SLCO5A1: variants seen among roughly 807,000 people sequenced by gnomAD.
The protein encoded by SLCO5A1 is organic anion transporter polypeptide-related protein 4.
In SLCO5A1, 39 loss-of-function variants were observed where a neutral mutation model predicts 65.1. That is an observed-to-expected ratio of 0.60 (90% CI 0.46 to 0.78). The LOEUF (loss-of-function observed/expected upper bound fraction) is 0.78, where lower values mean the gene tolerates loss of function less well. SLCO5A1 is among the 30% of genes least tolerant of loss of function. The probability of loss-of-function intolerance (pLI) is 0.00; values close to 1 mark genes in which losing one functional copy is unlikely to be tolerated. For synonymous variants in SLCO5A1, 438 were observed against 415.7 expected, an observed-to-expected ratio of 1.05 and a Z score of -0.65; for missense variants, 1,029 against 1,069.4, an observed-to-expected ratio of 0.96 and a Z score of 0.53.
intron 4 of SLCO5A1, among the ~76,000 whole-genome samples, chr8:69,747,987 A>G (rs1586753579): frequency 6.6e-6 from 1 of 152,304 alleles, no homozygotes; most frequent in East Asian, 1.9e-4. Flanking sequence ...CACAGGACCT[A>G]TGTGCCCTCA....
intron 2 of SLCO5A1, among the ~76,000 whole-genome samples, chr8:69,777,228 G>T (rs151091359): frequency 4.6e-5 from 7 of 152,254 alleles, no homozygotes; most frequent in East Asian, 1.9e-4. Flanking sequence ...ATAAAGAAAT[G>T]AACTATTGAT....
In SLCO5A1 at chr8:69,676,612, G is replaced by T. The variant is rs142555728; in HGVS notation, c.2086C>A (p.Leu696Ile). 7.9e-5 allele frequency: 128 copies of T among 1,612,546 alleles called. No homozygotes were observed. Among genetic ancestry groups the T allele is most frequent in the South Asian group, 9.9e-5 (9 of 90,834 alleles). The change falls in exon 9 of 10, where the codon CTT (leucine) becomes ATT (isoleucine). Residue 696 changes from leucine (L) to isoleucine (I), a missense_variant. Physicochemically the swap from Leu to Ile is conservative, Grantham distance 5. Coordinates refer to ENST00000260126, the MANE Select transcript of SLCO5A1 (RefSeq NM_030958.3). ...ACTTGGAAATTCAGGGACGTACCAAGTGTTCGCAACAAAACAAACTGCATT... is the reference window on the plus strand; with the variant it reads ...ACTTGGAAATTCAGGGACGTACCAATTGTTCGCAACAAAACAAACTGCATT... ...LGMQFVLLRT[L>I]AYIPTPIYFG...
At chr8:69,681,036 C>T (rs893378040) in intron 7 of SLCO5A1, among the ~76,000 whole-genome samples, 4 of 152,178 alleles carry the variant, frequency 2.6e-5, no homozygotes, top group South Asian at 2.1e-4. Context: ...GAAAGGACTT[C>T]GCCACCAAGA....
At chr8:69,827,935 T>C (rs1820990567) in intron 2 of SLCO5A1, among the ~76,000 whole-genome samples, 2 of 152,200 alleles carry the variant, frequency 1.3e-5, no homozygotes, top group Non-Finnish European at 2.9e-5. Context: ...GAAAACTCTG[T>C]TGAACGTGGC....
In SLCO5A1 at chr8:69,672,895, G is replaced by A. The variant is rs761394053; in HGVS notation, c.2521C>T (p.Pro841Ser). 1 of 1,612,618 alleles carries A rather than the reference G, an allele frequency of 6.2e-7. No individual in the cohort carries two copies. The highest frequency in any genetic ancestry group is 8.5e-7 in the Non-Finnish European group (1 of 1,178,742). Residue 841 changes from proline to serine, a missense_variant, in exon 10 of 10, where the codon CCC becomes TCC. By Grantham distance (74) the Pro-to-Ser change is moderately conservative. Coordinates refer to ENST00000260126, the MANE Select transcript of SLCO5A1 (RefSeq NM_030958.3). ...SSADPGLEESPAALEPPS is the reference protein window; with the variant it reads ...SSADPGLEESSAALEPPS ...CAGGAGGGCGGCTCCAAGGCAGCGG[G>A]GCTCTCTTCCAGCCCCGGGTCCGCA...
At position 69,812,616 on chromosome 8, in the gene SLCO5A1, G is replaced by A. The variant is rs182094031; in HGVS notation, c.907+19151C>T. On this transcript the variant is annotated intron_variant, in intron 2 of 9. Coordinates refer to ENST00000260126, the MANE Select transcript of SLCO5A1 (RefSeq NM_030958.3). ...ACAACAATGGCTCTAGAACCTAAAA[G>A]GAAAGAAAGTGTGTACAGAGGAGAA... Among the ~76,000 whole-genome samples the A allele has an allele frequency of 2.9e-3, 437 of 152,264 alleles. 2 individuals are homozygous for A. The highest frequency in any genetic ancestry group is 9.9e-3 in the African/African-American group (411 of 41,544).
At chr8:69,683,560 G>T (rs1300096451) in intron 6 of SLCO5A1, among the ~76,000 whole-genome samples, 1 of 130,130 alleles carries the variant, frequency 7.7e-6, no homozygotes, top group African/African-American at 3.0e-5. Flanking sequence ...TCGCCACCAA[G>T]ACTTATCTTT....
intron 2 of SLCO5A1, among the ~76,000 whole-genome samples, chr8:69,771,493 T>C (rs1041863171): frequency 1.3e-5 from 2 of 152,236 alleles, no homozygotes; most frequent in African/African-American, 4.8e-5. Context: ...AAACCTTTGT[T>C]ATATTCCTTA....
intron 9 of SLCO5A1, among the ~76,000 whole-genome samples, chr8:69,675,780 T>C (rs1178155599): frequency 2.0e-5 from 3 of 152,208 alleles, no homozygotes; most frequent in Non-Finnish European, 4.4e-5. Context: ...AAAGCAATTT[T>C]TTTGTCTTGT....
intron 2 of SLCO5A1, among the ~76,000 whole-genome samples, chr8:69,767,414 C>T (rs1174624723): frequency 6.6e-6 from 1 of 152,194 alleles, no homozygotes; most frequent in African/African-American, 2.4e-5. Context: ...ATCATGTGTT[C>T]AAATCTCAGC....
intron 6 of SLCO5A1, among the ~76,000 whole-genome samples, chr8:69,687,262 T>C (rs1177833724): frequency 6.6e-6 from 1 of 152,212 alleles, no homozygotes; most frequent in African/African-American, 2.4e-5. Context: ...TCTTTTCGTC[T>C]ATGGCTATTA....
At chr8:69,756,297 C>T (rs919495871) in intron 3 of SLCO5A1, among the ~76,000 whole-genome samples, 3 of 152,028 alleles carry the variant, frequency 2.0e-5, no homozygotes, top group South Asian at 2.1e-4. Flanking sequence ...CCCAGCTACT[C>T]GGGAGGCTGA....
At chr8:69,733,998 C>T (rs1816447681) in intron 5 of SLCO5A1, among the ~76,000 whole-genome samples, 1 of 151,066 alleles carries the variant, frequency 6.6e-6, no homozygotes, top group South Asian at 2.1e-4. Context: ...AGACCATGAG[C>T]AGGGAGAGCA....
intron 2 of SLCO5A1, among the ~76,000 whole-genome samples, chr8:69,786,258 C>T (rs928940481): frequency 2.0e-5 from 3 of 152,096 alleles, no homozygotes; most frequent in Admixed American, 6.6e-5. Flanking sequence ...CAGGGATGGC[C>T]TGAATAAGTA....
At chr8:69,833,511 A>C (rs542113858) in intron 1 of SLCO5A1, 3 of 152,420 alleles carry the variant, frequency 2.0e-5, no homozygotes, top group African/African-American at 7.2e-5. Flanking sequence ...CGAGTGAACT[A>C]ACTGCAGCCT....
At chr8:69,830,325 A>C (rs1051412389) in intron 2 of SLCO5A1, among the ~76,000 whole-genome samples, 1 of 152,198 alleles carries the variant, frequency 6.6e-6, no homozygotes, top group Admixed American at 6.5e-5. Flanking sequence ...CATTGCTAAT[A>C]AATTGCTAAA....
intron 8 of SLCO5A1, among the ~76,000 whole-genome samples, chr8:69,678,045 C>T (rs1813619986): frequency 6.6e-6 from 1 of 152,170 alleles, no homozygotes. Flanking sequence ...TAAATATCAA[C>T]ACACCGATGT....
rs1220173767 is a variant in SLCO5A1, at chr8:69,832,390, C to A, written c.284G>T (p.Cys95Phe). ...APSTSAGLGD[C>F]NHRVDLSKTF... ...TTTGCTGAGGTCCACCCTGTGGTTA[C>A]AGTCCCCGAGCCCCGCCGAAGTGGA... The change falls in exon 2 of 10, where the codon TGT (cysteine) becomes TTT (phenylalanine). Residue 95 changes from cysteine (C) to phenylalanine (F), a missense_variant. Cys to Phe is a radical substitution (Grantham distance 205). Around this residue, in one of 3 missense-constraint regions of SLCO5A1, gnomAD observed 647 missense variants for 647.5 expected, o/e 1.00. Transcript: ENST00000260126. This position sits in a 1 kb window ranked among gnomAD's most constrained non-coding sequence, Gnocchi z 4.5. 1.9e-6 allele frequency: 3 copies of A among 1,612,676 alleles called. No homozygotes were observed. The highest frequency in any genetic ancestry group is 2.5e-6 in the Non-Finnish European group (3 of 1,179,408).
chr8:69,784,218 T>C (rs752646968), intron 2 of SLCO5A1, among the ~76,000 whole-genome samples: 1 of 152,136 alleles, frequency 6.6e-6, no homozygotes, highest in Non-Finnish European at 1.5e-5. Flanking sequence ...ATTAAAACAC[T>C]AATGGAGAAA....
Sources: gnomAD v4.1 joint callset for allele counts (sites outside exome capture counted in the v4.1 genomes callset) on GRCh38, gnomAD v4.1.1 for gene constraint, gnomAD v4.1.1 regional missense constraint, Gnocchi (gnomAD v3.1) non-coding constraint, MANE v1.5 for transcripts, NCBI Gene and HGNC (gene_info 2026-07-23, HGNC 2026-07-21) for gene names.